The following ZBTB20 variants were observed in gnomAD, a reference collection of about 807,000 sequenced individuals.
The protein encoded by ZBTB20 is zinc finger and BTB domain-containing protein 20.
ZBTB20 carries 9 observed loss-of-function variants against 56.9 expected under a neutral mutation model. That is an observed-to-expected ratio of 0.16 (90% CI 0.10 to 0.28). The LOEUF (loss-of-function observed/expected upper bound fraction) is 0.28. Ranked by LOEUF, ZBTB20 falls within the 10% of genes least tolerant of loss-of-function variation. ZBTB20 has a pLI of 1.00. For missense variants in ZBTB20, 655 were observed against 1,003.0 expected (o/e 0.65, Z 4.69); for synonymous variants, 417 against 420.7 (o/e 0.99, Z 0.11).
At chr3:115,055,868 A>T (rs1317038836) in intron 2 of ZBTB20, among the ~76,000 whole-genome samples, 1 of 152,146 alleles carries the variant, frequency 6.6e-6, no homozygotes, top group Admixed American at 6.6e-5. Context: ...AGTACAATAA[A>T]CGTATTATAA....
rs111651371 is a variant in ZBTB20 at position 114,975,818 on chromosome 3, C to A, written c.-506-1402G>T. On this transcript the variant is annotated intron_variant, in intron 2 of 11. Transcript: ENST00000675478. ...ACTACATGATATATTACAAAAGTTA[C>A]TTTTATTAATTTATTACCTGTCTCT... Among the ~76,000 whole-genome samples, 14 of 152,220 alleles carry A rather than the reference C, an allele frequency of 9.2e-5. No homozygotes were observed. The East Asian group carries it at 2.1e-3, about 23-fold the overall frequency.
chr3:114,578,036 T>C (rs776696437), intron 6 of ZBTB20, among the ~76,000 whole-genome samples: 1 of 152,120 alleles, frequency 6.6e-6, no homozygotes, highest in Non-Finnish European at 1.5e-5. Flanking sequence ...GACCTCAGCA[T>C]GAATATGCTT....
At chr3:114,357,788 A>G (rs2081405419) in intron 10 of ZBTB20, among the ~76,000 whole-genome samples, 1 of 152,196 alleles carries the variant, frequency 6.6e-6, no homozygotes, top group Non-Finnish European at 1.5e-5. Context: ...ACTCTGATGC[A>G]TAAGGTCTGT....
Position 114,771,763 on chromosome 3 carries a change from C to G in ZBTB20, c.-343+29338G>C, listed in dbSNP as rs377246173. ...CTCTTCCTTATCCCCTCTTTGTCCACGTTTCCTTTTGACCTTTTGGCCCTT... is the reference window on the plus strand; with the variant it reads ...CTCTTCCTTATCCCCTCTTTGTCCAGGTTTCCTTTTGACCTTTTGGCCCTT... On this transcript the variant is annotated intron_variant, in intron 5 of 11. Coordinates refer to ENST00000675478, the MANE Select transcript of ZBTB20 (RefSeq NM_001348800.3). 3.8e-4 allele frequency among the ~76,000 whole-genome samples: 58 copies of G among 152,282 alleles called. 1 individual carries two copies. The South Asian group carries it at 0.012, about 30-fold the overall frequency.
rs1560053023 is a variant in ZBTB20 at position 114,320,647 on chromosome 3, A to G, written c.*18358T>C. On this transcript the variant is annotated 3_prime_UTR_variant, in exon 12 of 12. Coordinates refer to ENST00000675478, the MANE Select transcript of ZBTB20 (RefSeq NM_001348800.3). ...AATCTTTTACTCCCTAGTTCTTTAT[A>G]TCTTTAAAATGAACAAATTTGTTTT... 6.6e-6 allele frequency: 1 copy of G among 152,152 alleles called. No homozygotes were observed. 9.4% of individuals were successfully genotyped at this position (152,152 alleles called of 1,614,324 possible).
chr3:114,497,999 A>G (rs1009737890), intron 7 of ZBTB20, among the ~76,000 whole-genome samples: 2 of 152,164 alleles, frequency 1.3e-5, no homozygotes, highest in African/African-American at 4.8e-5. Context: ...GTGAGGGATA[A>G]ATTCTGTGAT....
intron 6 of ZBTB20, among the ~76,000 whole-genome samples, chr3:114,553,140 G>C (rs900150128): frequency 6.6e-6 from 1 of 152,070 alleles, no homozygotes; most frequent in Non-Finnish European, 1.5e-5. Context: ...TCCAATCCAA[G>C]ACTTCATGAT....
intron 4 of ZBTB20, among the ~76,000 whole-genome samples, chr3:114,891,348 ACT>A (rs2076799335): frequency 6.6e-6 from 1 of 152,226 alleles, no homozygotes; most frequent in African/African-American, 2.4e-5. Flanking sequence ...GCAATTTGAC[ACT>A]GAGAGTGCCT....
intron 10 of ZBTB20, among the ~76,000 whole-genome samples, chr3:114,364,107 T>C (rs1318455335): frequency 6.6e-6 from 1 of 152,160 alleles, no homozygotes; most frequent in African/African-American, 2.4e-5. Flanking sequence ...TAATTACTAT[T>C]CTCTGGCATG....
chr3:114,461,866 T>C (rs185034193), intron 7 of ZBTB20, among the ~76,000 whole-genome samples: 2 of 152,302 alleles, frequency 1.3e-5, no homozygotes, highest in African/African-American at 4.8e-5. Flanking sequence ...ACAATTGTCA[T>C]AGGACAAATC....
chr3:114,911,982 A>AAGTGAAAGACAAAGAGAGATCTTGAAAGT (rs1260700265), intron 3 of ZBTB20, among the ~76,000 whole-genome samples: 2 of 151,904 alleles, frequency 1.3e-5, no homozygotes, highest in African/African-American at 4.8e-5. Context: ...AAATTGTCAA[A>AAGTGAAAGACAAAGAGAGATCTTGAAAGT]AGTGAAAGAC....
intron 6 of ZBTB20, among the ~76,000 whole-genome samples, chr3:114,520,990 G>A (rs2046574849): frequency 6.6e-6 from 1 of 152,010 alleles, no homozygotes; most frequent in Non-Finnish European, 1.5e-5. Context: ...ATAACCAAAG[G>A]AGGCCTTTTT....
chr3:114,919,168 A>C (rs2075859213), intron 3 of ZBTB20, among the ~76,000 whole-genome samples: 1 of 152,226 alleles, frequency 6.6e-6, no homozygotes, highest in African/African-American at 2.4e-5. Flanking sequence ...ATAAAAAGGT[A>C]TAAAATGTTA....
intron 1 of ZBTB20, among the ~76,000 whole-genome samples, chr3:115,071,832 T>C (rs774225844): frequency 1.3e-5 from 2 of 152,228 alleles, no homozygotes; most frequent in South Asian, 4.1e-4. Flanking sequence ...CTGCTGCTGC[T>C]GCCGAAGAGG....
chr3:114,469,797 C>A (rs1351316556), intron 7 of ZBTB20, among the ~76,000 whole-genome samples: 2 of 152,110 alleles, frequency 1.3e-5, no homozygotes, highest in East Asian at 1.9e-4. Flanking sequence ...TCATGATGTT[C>A]AAATTGCCTC....
intron 5 of ZBTB20, among the ~76,000 whole-genome samples, chr3:114,703,866 T>C (rs1323269067): frequency 2.0e-5 from 3 of 152,220 alleles, no homozygotes; most frequent in East Asian, 1.9e-4. Context: ...TTTGTCTATA[T>C]GTAGAAATAG....
chr3:114,416,295 CAT>C (rs1447586461), intron 7 of ZBTB20, among the ~76,000 whole-genome samples: 4 of 143,134 alleles, frequency 2.8e-5, no homozygotes, highest in African/African-American at 1.1e-4. Context: ...TGTGGTCAGA[CAT>C]ATGATAATTT....
intron 5 of ZBTB20, among the ~76,000 whole-genome samples, chr3:114,744,209 T>C (rs2066856550): frequency 6.6e-6 from 1 of 152,060 alleles, no homozygotes. Context: ...AGCTCAAGAG[T>C]CAATAAGAAT....
intron 6 of ZBTB20, among the ~76,000 whole-genome samples, chr3:114,602,120 A>T (rs942393567): frequency 6.6e-6 from 1 of 152,006 alleles, no homozygotes; most frequent in Non-Finnish European, 1.5e-5. Flanking sequence ...TAATCATCTC[A>T]CATGATTTGA....
Sources: gnomAD v4.1 joint callset for allele counts (sites outside exome capture counted in the v4.1 genomes callset) on GRCh38, gnomAD v4.1.1 for gene constraint, MANE v1.5 for transcripts, NCBI Gene and HGNC (gene_info 2026-07-23, HGNC 2026-07-21) for gene names.